TENT4B: variants seen among roughly 807,000 people sequenced by gnomAD.
TENT4B encodes terminal nucleotidyltransferase 4B.
Under a neutral mutation model 75.0 loss-of-function variants are expected in TENT4B, and 10 were observed. The ratio of observed to expected loss-of-function variants is 0.13; its 90% CI spans 0.08 to 0.23. The LOEUF (loss-of-function observed/expected upper bound fraction) is 0.23, where lower values mean the gene tolerates loss of function less well. Ranked by LOEUF, TENT4B falls within the 10% of genes least tolerant of loss-of-function variation. The probability of loss-of-function intolerance (pLI) is 1.00; values close to 1 mark genes in which losing one functional copy is unlikely to be tolerated. For synonymous variants in TENT4B, 350 were observed against 357.7 expected (o/e 0.98, Z 0.24); for missense variants, 579 against 893.8 (o/e 0.65, Z 4.49).
chr16:50,217,182 TAAATG>T (rs1437824173), intron 4 of TENT4B, among the ~76,000 whole-genome samples: 2 of 152,220 alleles, frequency 1.3e-5, no homozygotes, highest in Admixed American at 6.5e-5. Context: ...TGTCAACTAA[TAAATG>T]AGATGATGGG....
chr16:50,231,627 G>A lies in TENT4B; in HGVS notation c.*2299G>A, dbSNP rs2032297957. ...TCTTAGGTTTTCGTAAATTTATTGG[G>A]AAAATAGTTTTTCCTGTACTGCTGA... is the stretch of plus-strand genomic sequence containing the variant. On this transcript the variant is annotated 3_prime_UTR_variant, in exon 12 of 12. Coordinates refer to ENST00000561678, the MANE Select transcript of TENT4B (RefSeq NM_001365324.3). The A allele has an allele frequency of 1.0e-6, 1 of 985,786 alleles. No individual in the cohort carries two copies. Among genetic ancestry groups the A allele is most frequent in the South Asian group, 4.7e-5 (1 of 21,288 alleles). The allele number at this position is 985,786 out of a possible 1,614,324, so 61.1% of individuals were successfully genotyped here. A position where few individuals can be genotyped will look rare whatever the true frequency, so the allele number is the denominator to read the frequency against.
intron 5 of TENT4B, among the ~76,000 whole-genome samples, chr16:50,221,513 T>C (rs185619474): frequency 3.3e-5 from 5 of 152,274 alleles, no homozygotes; most frequent in Non-Finnish European, 5.9e-5. Flanking sequence ...CATCAGCCCA[T>C]GTGCAAGTCA....
chr16:50,153,183 T>A (rs867687282), upstream of TENT4B, among the ~76,000 whole-genome samples: 1 of 21,120 alleles, frequency 4.7e-5, no homozygotes, highest in Admixed American at 4.3e-4. Context: ...GGCGGGGCGG[T>A]GGGGGGGGGG....
intron 1 of TENT4B, among the ~76,000 whole-genome samples, chr16:50,196,203 A>G (rs1417727843): frequency 1.3e-5 from 2 of 152,244 alleles, no homozygotes; most frequent in African/African-American, 2.4e-5. Flanking sequence ...TATAGAAAAT[A>G]TCTGAAATGT....
At chr16:50,199,829 T>A (rs72780120) in intron 1 of TENT4B, among the ~76,000 whole-genome samples, 1,985 of 152,264 alleles carry the variant, frequency 0.013, 20 homozygotes, top group Non-Finnish European at 0.021. Context: ...TAAGACAGGG[T>A]GTCATTGTGT....
chr16:50,191,282 G>A (rs1355247176), intron 1 of TENT4B, among the ~76,000 whole-genome samples: 2 of 151,770 alleles, frequency 1.3e-5, no homozygotes, highest in Non-Finnish European at 2.9e-5. Flanking sequence ...TTGAGGAAGT[G>A]CCATGCTGTT....
rs915363567 is a variant in TENT4B, at chr16:50,153,966, C to T, written c.345C>T (p.His115=). ...AGACGACCAACAACAACAACAACCA[C>T]CACCAGCCCGGGGCCTGGGCCCGCC... ...PLETTNNNNN[H]HQPGAWARRA... Residue 115 remains histidine (H), a synonymous_variant, in exon 1 of 12, where the codon CAC becomes CAT. Transcript: ENST00000561678. 34 of 1,534,054 alleles carry T rather than the reference C, an allele frequency of 2.2e-5. No homozygotes were observed. The Admixed American group carries it at 6.7e-4, about 30-fold the overall frequency.
intron 1 of TENT4B, among the ~76,000 whole-genome samples, chr16:50,180,649 C>T (rs1486888779): frequency 6.7e-6 from 1 of 148,944 alleles, no homozygotes; most frequent in Non-Finnish European, 1.5e-5. Context: ...GTGGAGGTTG[C>T]AGTGAGGCAA....
At chr16:50,215,721 T>C (rs188184592) in intron 3 of TENT4B, among the ~76,000 whole-genome samples, 1 of 152,290 alleles carries the variant, frequency 6.6e-6, no homozygotes, top group African/African-American at 2.4e-5. Flanking sequence ...TATTTCTGAG[T>C]TGCAATTAAT....
intron 1 of TENT4B, among the ~76,000 whole-genome samples, chr16:50,165,422 T>C (rs2038081270): frequency 6.6e-6 from 1 of 152,214 alleles, no homozygotes; most frequent in Non-Finnish European, 1.5e-5. Context: ...TTTTTCTACT[T>C]ATTTTTATTG....
chr16:50,200,571 A>G (rs1596712296), intron 1 of TENT4B, among the ~76,000 whole-genome samples: 1 of 152,252 alleles, frequency 6.6e-6, no homozygotes, highest in African/African-American at 2.4e-5. Flanking sequence ...TGGATTTTGA[A>G]TATTCTATTA....
chr16:50,174,819 C>G (rs1032983108), intron 1 of TENT4B, among the ~76,000 whole-genome samples: 2 of 144,830 alleles, frequency 1.4e-5, no homozygotes, highest in East Asian at 4.2e-4. Flanking sequence ...TCTCGACTCA[C>G]TGCAGCTTCC....
intron 1 of TENT4B, among the ~76,000 whole-genome samples, chr16:50,197,106 C>CT (rs1429378080): frequency 6.8e-6 from 1 of 147,386 alleles, no homozygotes; most frequent in Non-Finnish European, 1.5e-5. Flanking sequence ...GACCCCATCT[C>CT]TAAAAAAAAA....
At chr16:50,153,146 G>C (rs2037794315), upstream of TENT4B, 1 of 624,910 alleles carries the variant, frequency 1.6e-6, no homozygotes, top group African/African-American at 2.1e-5. Flanking sequence ...GCTGCGCGGC[G>C]CAGCGGGGGC....
rs529498944 is a variant in TENT4B at position 50,229,521 on chromosome 16, A to C, written c.*193A>C. 2.9e-4 allele frequency: 368 copies of C among 1,260,958 alleles called. No homozygotes were observed. Among genetic ancestry groups the C allele is most frequent in the East Asian group, 6.3e-4 (20 of 31,560 alleles). The allele number at this position is 1,260,958 out of a possible 1,614,324, so 78.1% of individuals were successfully genotyped here. A position where few individuals can be genotyped will look rare whatever the true frequency, so the allele number is the denominator to read the frequency against. On this transcript the variant is annotated 3_prime_UTR_variant, in exon 12 of 12. Transcript: ENST00000561678. ...GCAAAAAAAACAAAACAAAACAAAA[A>C]AAAAAGCAAGCAAAAAAGAGGGAAA...
At chr16:50,156,605 A>G (rs559728183) in intron 1 of TENT4B, among the ~76,000 whole-genome samples, 1 of 152,004 alleles carries the variant, frequency 6.6e-6, no homozygotes, top group Admixed American at 6.6e-5. Context: ...TGGCCTCCCA[A>G]AGGACTGGGA....
intron 1 of TENT4B, among the ~76,000 whole-genome samples, chr16:50,183,559 C>T (rs1385705729): frequency 7.6e-6 from 1 of 132,302 alleles, no homozygotes; most frequent in African/African-American, 2.8e-5. Context: ...TTTTACAGTA[C>T]TTTGAATTCC....
rs1179636270 is a variant in TENT4B, at chr16:50,230,987, G to A, written c.*1659G>A. The stretch of plus-strand genomic sequence containing the variant: ...TTATATACATTTATGAAATACTGAA[G>A]ACCAATCAGACCATTAATGGACACT... On this transcript the variant is annotated 3_prime_UTR_variant, in exon 12 of 12. Coordinates refer to ENST00000561678, the MANE Select transcript of TENT4B (RefSeq NM_001365324.3). 2.0e-6 allele frequency: 2 copies of A among 982,326 alleles called. No individual in the cohort carries two copies. Among genetic ancestry groups the A allele is most frequent in the Non-Finnish European group, 1.2e-6 (1 of 826,788 alleles). 60.9% of individuals were successfully genotyped at this position (982,326 alleles called of 1,614,324 possible).
At chr16:50,168,714 GTGCTTACTGTA>G (rs2038149635) in intron 1 of TENT4B, among the ~76,000 whole-genome samples, 1 of 151,450 alleles carries the variant, frequency 6.6e-6, no homozygotes, top group Non-Finnish European at 1.5e-5. Flanking sequence ...GGCGTGACCT[GTGCTTACTGTA>G]CCTTCTGCCT....
Sources: gnomAD v4.1 joint callset for allele counts (sites outside exome capture counted in the v4.1 genomes callset) on GRCh38, gnomAD v4.1.1 for gene constraint, MANE v1.5 for transcripts, NCBI Gene and HGNC (gene_info 2026-07-23, HGNC 2026-07-21) for gene names.